The following RADIL variants were observed in gnomAD, a reference collection of about 807,000 sequenced individuals.
The protein encoded by RADIL is ras-associating and dilute domain-containing protein.
In RADIL, 99 loss-of-function variants were observed where a neutral mutation model predicts 97.6. That is an observed-to-expected ratio of 1.01 (90% CI 0.86 to 1.20). RADIL has a LOEUF of 1.20. RADIL is among the 50% of genes most tolerant of loss of function. The pLI, the probability that RADIL is intolerant of heterozygous loss-of-function variation, is 0.00. For missense variants in RADIL, 1,765 were observed against 1,498.9 expected, an observed-to-expected ratio of 1.18 and a Z score of -2.93; for synonymous variants, 803 against 691.8, an observed-to-expected ratio of 1.16 and a Z score of -2.52.
Position 4,799,097 on chromosome 7 carries a change from G to T in RADIL, c.*281C>A. 2.4e-6 allele frequency: 1 copy of T among 415,758 alleles called. No homozygotes were observed. The highest frequency in any genetic ancestry group is 4.5e-6 in the Non-Finnish European group (1 of 223,870). 25.8% of individuals were successfully genotyped at this position (415,758 alleles called of 1,614,324 possible). ...CTGCCCGAGTTGAGACCCCAGCAGG[G>T]CACCCTCTAAGAACGGGAAAAATAG... On this transcript the variant is annotated 3_prime_UTR_variant, in exon 15 of 15. Transcript: ENST00000399583.
At chr7:4,861,129 T>C (rs1163954962) in intron 2 of RADIL, 2 of 1,614,266 alleles carry the variant, frequency 1.2e-6, no homozygotes. Context: ...CACAGTTTGA[T>C]GGCTCTCAGA....
chr7:4,820,120 C>T (rs1325478901), intron 6 of RADIL, among the ~76,000 whole-genome samples: 2 of 152,210 alleles, frequency 1.3e-5, no homozygotes, highest in Non-Finnish European at 2.9e-5. Flanking sequence ...AAAGGGGCTC[C>T]TAAGCTGGCC....
rs117402822 is a variant in RADIL, at chr7:4,825,806, C to T, written c.1455-3252G>A. Among the ~76,000 whole-genome samples, 13 of 141,530 alleles carry T rather than the reference C, an allele frequency of 9.2e-5. No homozygotes were observed. In the East Asian group the frequency reaches 2.3e-3, roughly 26 times the overall value. The allele number at this position is 141,530 out of a possible 152,430, so 92.8% of individuals were successfully genotyped here. A position where few individuals can be genotyped will look rare whatever the true frequency, so the allele number is the denominator to read the frequency against. ...CAAAAGAATTTCTTGAACCAGGACC[C>T]GGGAGGTGGAAGTTGCAGTGAGCCA... is the stretch of plus-strand genomic sequence containing the variant. On this transcript the variant is annotated intron_variant, in intron 5 of 14. Transcript: ENST00000399583.
chr7:4,852,733 G>C (rs192556480), intron 2 of RADIL, among the ~76,000 whole-genome samples: 1 of 152,282 alleles, frequency 6.6e-6, no homozygotes, highest in Non-Finnish European at 1.5e-5. Context: ...GGTAGAGATG[G>C]GGTTTCACCA....
intron 4 of RADIL, among the ~76,000 whole-genome samples, chr7:4,833,492 G>A (rs974269494): frequency 6.6e-6 from 1 of 152,212 alleles, no homozygotes; most frequent in East Asian, 1.9e-4. Flanking sequence ...GGGAACCCGA[G>A]GGGAAGAGGC....
chr7:4,834,564 C>T lies in RADIL; in HGVS notation c.1416+43G>A, dbSNP rs376603455. 11 of 1,303,912 alleles carry T rather than the reference C, an allele frequency of 8.4e-6. No homozygotes were observed. The highest frequency in any genetic ancestry group is 7.8e-6 in the Non-Finnish European group (8 of 1,022,650). The allele number at this position is 1,303,912 out of a possible 1,614,324, so 80.8% of individuals were successfully genotyped here. ...GCCAGCTCCGGGCCCCCTCTTCCCC[C>T]AGACCGGCACAGGACCCAGACCGCC... On this transcript the variant is annotated intron_variant, in intron 4 of 14. Transcript: ENST00000399583. This position sits in a 1 kb window ranked among gnomAD's most constrained non-coding sequence, Gnocchi z 6.0.
chr7:4,806,509 C>A (rs1782314146), intron 9 of RADIL, among the ~76,000 whole-genome samples: 1 of 152,138 alleles, frequency 6.6e-6, no homozygotes, highest in Admixed American at 6.6e-5. Context: ...TTAGGCAAGA[C>A]AAAAAGCCTA....
chr7:4,865,307 A>G (rs1784106584), intron 2 of RADIL: 3 of 484,930 alleles, frequency 6.2e-6, no homozygotes, highest in Non-Finnish European at 3.8e-6. Context: ...CCATATATAC[A>G]ATGATGGCCC....
rs1436416238 is a variant in RADIL, at chr7:4,818,251, A to C, written c.1616-900T>G. Among the ~76,000 whole-genome samples, 1 of 152,064 alleles carries C rather than the reference A, an allele frequency of 6.6e-6. No individual in the cohort carries two copies. The highest frequency in any genetic ancestry group is 6.5e-5 in the Admixed American group (1 of 15,294). On this transcript the variant is annotated intron_variant, in intron 6 of 14. Coordinates refer to ENST00000399583, the MANE Select transcript of RADIL (RefSeq NM_018059.5). The surrounding 1 kb of genome is among the most constrained non-coding windows in gnomAD (Gnocchi z 7.1). ...TGGGCGGCGCCTGGTGAGCCAGGCC[A>C]ACACTCACCCCAGCGCGGGCCTCCC...
chr7:4,875,081 A>G (rs1224588722), intron 2 of RADIL, among the ~76,000 whole-genome samples: 1 of 143,268 alleles, frequency 7.0e-6, no homozygotes, highest in Non-Finnish European at 1.5e-5. Flanking sequence ...AGTCCCAGCT[A>G]CTCGGGAGGC....
intron 2 of RADIL, chr7:4,838,129 C>T (rs1783350224): frequency 1.1e-6 from 1 of 913,128 alleles, no homozygotes; most frequent in South Asian, 5.0e-5. Flanking sequence ...CTGGGCTGCT[C>T]ACCACCCGTG....
In RADIL at chr7:4,802,006, G is replaced by A. The variant is rs745336800; in HGVS notation, c.2500-11C>T. ...CACGTGGTGCATACCCTAGGGAGAG[G>A]AAGGGTGACAGCTCAGGTAGAGGAG... On this transcript the variant is annotated splice_polypyrimidine_tract_variant and intron_variant, in intron 11 of 14. Transcript: ENST00000399583. The A allele has an allele frequency of 3.0e-5, 45 of 1,491,314 alleles. No homozygotes were observed. The African/African-American group carries it at 5.5e-4, about 18-fold the overall frequency. The allele number at this position is 1,491,314 out of a possible 1,614,324, so 92.4% of individuals were successfully genotyped here.
At chr7:4,808,741 T>C (rs1279262473) in intron 9 of RADIL, 1 of 918,688 alleles carries the variant, frequency 1.1e-6, no homozygotes, top group East Asian at 1.5e-4. Context: ...CCCCTCCGCG[T>C]CTCCTTCCAA....
At chr7:4,869,063 G>A (rs547193628) in intron 2 of RADIL, among the ~76,000 whole-genome samples, 3 of 152,304 alleles carry the variant, frequency 2.0e-5, no homozygotes, top group African/African-American at 7.2e-5. Flanking sequence ...AGAAGTGGAG[G>A]TTGCAGTGAG....
chr7:4,831,878 A>G (rs916294098), intron 5 of RADIL, among the ~76,000 whole-genome samples: 1 of 151,976 alleles, frequency 6.6e-6, no homozygotes, highest in African/African-American at 2.4e-5. Context: ...TAGAGCAAAC[A>G]AAACAAAACA....
intron 9 of RADIL, among the ~76,000 whole-genome samples, chr7:4,808,341 T>C (rs1289672120): frequency 6.6e-6 from 1 of 151,954 alleles, no homozygotes; most frequent in African/African-American, 2.4e-5. Flanking sequence ...TGTTCTCTCA[T>C]GGATACAATC....
chr7:4,804,031 G>A (rs118072475), intron 10 of RADIL: 9,802 of 500,952 alleles, frequency 0.02, 139 homozygotes, highest in Middle Eastern at 0.054. Flanking sequence ...CCACTGAGCC[G>A]CTCTGCACTG....
rs2115053654 is a variant in RADIL, at chr7:4,877,655, C to T, written c.485G>A (p.Arg162Lys). The change falls in exon 2 of 15, where the codon AGG (arginine) becomes AAG (lysine). Residue 162 changes from arginine (R) to lysine (K), a missense_variant. Physicochemically the swap from Arg to Lys is conservative, Grantham distance 26. Coordinates refer to ENST00000399583, the MANE Select transcript of RADIL (RefSeq NM_018059.5). ...GLSRRFELRK[R>K]SDVEELAAKE... ...GGCTGCCAGCTCCTCCACGTCCGAC[C>T]TCTTCCTCAGCTCAAACCTCCGGGA... 6.2e-7 allele frequency: 1 copy of T among 1,613,490 alleles called. No individual in the cohort carries two copies. The highest frequency in any genetic ancestry group is 8.5e-7 in the Non-Finnish European group (1 of 1,179,668).
chr7:4,816,563 T>A, intron 7 of RADIL, 98 bp from the exon 8 acceptor site: 1 of 978,432 alleles, frequency 1.0e-6, no homozygotes, highest in Non-Finnish European at 1.6e-6. Context: ...CACGCACTGC[T>A]TGCAGGGACC....
Sources: gnomAD v4.1 joint callset for allele counts (sites outside exome capture counted in the v4.1 genomes callset) on GRCh38, gnomAD v4.1.1 for gene constraint, Gnocchi (gnomAD v3.1) non-coding constraint, MANE v1.5 for transcripts, NCBI Gene and HGNC (gene_info 2026-07-23, HGNC 2026-07-21) for gene names.